The following HHIPL1 variants were observed in gnomAD, a reference collection of about 807,000 sequenced individuals.
HHIPL1 encodes HHIP-like protein 1.
A neutral mutation model predicts 61.8 loss-of-function variants in HHIPL1; 43 were observed. The observed-to-expected ratio is 0.70, with a 90% CI of 0.55 to 0.90. HHIPL1 has a LOEUF of 0.90. Ranked by LOEUF, HHIPL1 falls within the 40% of genes least tolerant of loss-of-function variation. HHIPL1 has a pLI of 0.00. For synonymous variants in HHIPL1, 482 were observed against 515.8 expected (o/e 0.93, Z 0.89); for missense variants, 1,056 against 1,157.7 (o/e 0.91, Z 1.28).
rs1412612596 is a variant in HHIPL1 at position 99,680,295 on chromosome 14, T to G, written c.*4669T>G. 1.3e-5 allele frequency: 2 copies of G among 151,644 alleles called. No individual in the cohort carries two copies. The highest frequency in any genetic ancestry group is 2.4e-5 in the African/African-American group (1 of 41,206). 9.4% of individuals were successfully genotyped at this position (151,644 alleles called of 1,614,324 possible). On this transcript the variant is annotated 3_prime_UTR_variant, in exon 9 of 9. Transcript: ENST00000330710. ...CTGGGAAACCACTCCTCGTATGGTG[T>G]CATCTACACCAGTGGGTTTCAAGCT... is the stretch of plus-strand genomic sequence containing the variant.
At chr14:99,606,661 C>T in the HHIPL1 span, among the ~76,000 whole-genome samples, 5 of 152,216 alleles carry the variant, frequency 3.3e-5, no homozygotes, top group South Asian at 2.1e-4. Flanking sequence ...GGTTTGTTTG[C>T]GTCATCTACA....
chr14:99,662,786 CATGGATGGATGGATGG>C (rs370684067), intron 5 of HHIPL1, 74 bp from the exon 6 acceptor site: 23 of 1,213,132 alleles, frequency 1.9e-5, no homozygotes, highest in Non-Finnish European at 2.5e-5. Context: ...GGAATGGATA[CATGGATGGATGGATGG>C]ATGGATGGAT....
intron 7 of HHIPL1, among the ~76,000 whole-genome samples, chr14:99,671,171 G>A (rs1265096970): frequency 3.3e-5 from 5 of 152,194 alleles, no homozygotes; most frequent in Non-Finnish European, 7.3e-5. Context: ...TCCCATTATA[G>A]TACATTTGGA....
chr14:99,632,836 C>T, the HHIPL1 span, among the ~76,000 whole-genome samples: 1 of 152,076 alleles, frequency 6.6e-6, no homozygotes, highest in Admixed American at 6.6e-5. Flanking sequence ...CTCTTGCCAG[C>T]CTCAGGCTAT....
intron 6 of HHIPL1, among the ~76,000 whole-genome samples, chr14:99,664,505 C>A (rs2056209800): frequency 6.6e-6 from 1 of 151,450 alleles, no homozygotes; most frequent in Non-Finnish European, 1.5e-5. Flanking sequence ...GTGTGGAAAA[C>A]CAGGAGGAGG....
At chr14:99,665,939 G>A (rs1395663206) in intron 6 of HHIPL1, among the ~76,000 whole-genome samples, 3 of 152,026 alleles carry the variant, frequency 2.0e-5, no homozygotes, top group African/African-American at 7.2e-5. Context: ...GCACCACCAT[G>A]CCTGGCTAAT....
intron 3 of HHIPL1, 112 bp downstream of exon 3, chr14:99,657,255 A>T: frequency 7.9e-7 from 1 of 1,272,208 alleles, no homozygotes; most frequent in Non-Finnish European, 1.1e-6. Context: ...GCAGGAGAAA[A>T]GGTTCTGGGT....
the HHIPL1 span, among the ~76,000 whole-genome samples, chr14:99,607,794 G>T: frequency 6.6e-6 from 1 of 151,970 alleles, no homozygotes; most frequent in African/African-American, 2.4e-5. Flanking sequence ...TCATTTTGAA[G>T]GTGAGGAAAA....
At position 99,672,331 on chromosome 14, in the gene HHIPL1, G is replaced by A. The variant is rs1172575742; in HGVS notation, c.1745G>A (p.Gly582Asp). 1.9e-6 allele frequency: 3 copies of A among 1,551,172 alleles called. No individual in the cohort carries two copies. The highest frequency in any genetic ancestry group is 2.6e-6 in the Non-Finnish European group (3 of 1,146,914). The change falls in exon 8 of 9, where the codon GGC (glycine) becomes GAC (aspartate). Residue 582 changes from glycine to aspartate, a missense_variant. Physicochemically the swap from Gly to Asp is moderately conservative, Grantham distance 94. Coordinates refer to ENST00000330710, the MANE Select transcript of HHIPL1 (RefSeq NM_001127258.3). ...IIDASRRAPP[G>D]KCQIQPAQVK... ...GTCGTTGGCAGGCGGGCACCACCTG[G>A]CAAATGTCAGATCCAGCCTGCTCAG...
chr14:99,609,771 G>A, the HHIPL1 span, among the ~76,000 whole-genome samples: 7 of 152,320 alleles, frequency 4.6e-5, no homozygotes, highest in South Asian at 6.2e-4. Flanking sequence ...TGCACAGGAC[G>A]GCTGCCTAGA....
At position 99,659,462 on chromosome 14, in the gene HHIPL1, G is replaced by C; in HGVS notation, c.1081G>C (p.Val361Leu). ...ALLGKVLRID[V>L]DRKERGLPYG... ...GCTGGGCAAGGTGCTGCGCATCGAC[G>C]TGGACCGTAAGGAGCGCGGCCTGCC... The change falls in exon 4 of 9, where the codon GTG becomes CTG. Residue 361 changes from valine (V) to leucine (L), a missense_variant. Transcript: ENST00000330710. The C allele has an allele frequency of 6.6e-7, 1 of 1,522,886 alleles. No homozygotes were observed. The highest frequency in any genetic ancestry group is 8.8e-7 in the Non-Finnish European group (1 of 1,140,400). 94.3% of individuals were successfully genotyped at this position (1,522,886 alleles called of 1,614,324 possible).
At chr14:99,607,942 T>G in the HHIPL1 span, among the ~76,000 whole-genome samples, 1 of 152,182 alleles carries the variant, frequency 6.6e-6, no homozygotes, top group Non-Finnish European at 1.5e-5. Context: ...CACATTGCAA[T>G]GCATTGTGGT....
chr14:99,643,127 G>A (rs12587879), upstream of HHIPL1, among the ~76,000 whole-genome samples: 24,359 of 151,860 alleles, frequency 0.16, 2,321 homozygotes, highest in East Asian at 0.26. Flanking sequence ...TACAGCCTCC[G>A]CCTCCTGGGT....
chr14:99,652,947 C>T, intron 2 of HHIPL1, 77 bp downstream of exon 2: 1 of 1,381,254 alleles, frequency 7.2e-7, no homozygotes. Context: ...CAGTTGGTAT[C>T]CTGTTCTCAC....
intron 6 of HHIPL1, among the ~76,000 whole-genome samples, chr14:99,665,800 G>C (rs1222750327): frequency 6.6e-6 from 1 of 152,000 alleles, no homozygotes; most frequent in Non-Finnish European, 1.5e-5. Flanking sequence ...TGTTTGTTTT[G>C]AGACAGGGTC....
At chr14:99,617,162 T>C in the HHIPL1 span, among the ~76,000 whole-genome samples, 5 of 152,100 alleles carry the variant, frequency 3.3e-5, no homozygotes, top group Admixed American at 2.0e-4. Flanking sequence ...AGACACATAA[T>C]ACCTTGCAAG....
rs1055281937 is a variant in HHIPL1, at chr14:99,672,173, A to C, written c.1731-144A>C. 6 of 642,332 alleles carry C rather than the reference A, an allele frequency of 9.3e-6. No individual in the cohort carries two copies. In the African/African-American group the frequency reaches 1.1e-4, roughly 12 times the overall value. The allele number at this position is 642,332 out of a possible 1,614,324, so 39.8% of individuals were successfully genotyped here. ...TCCTGGGGGCATGGAGTGGGCAGGG[A>C]AGCTGCAGGCCACACAGTAGGTGCA... On this transcript the variant is annotated intron_variant, in intron 7 of 8. Transcript: ENST00000330710.
At chr14:99,614,844 C>G in the HHIPL1 span, among the ~76,000 whole-genome samples, 3 of 151,896 alleles carry the variant, frequency 2.0e-5, no homozygotes, top group African/African-American at 7.3e-5. Flanking sequence ...TTTTTTGTCC[C>G]GTATCTAATG....
In HHIPL1 at chr14:99,675,060, C is replaced by A; in HGVS notation, c.1814-31C>A. On this transcript the variant is annotated intron_variant, in intron 8 of 8. Coordinates refer to ENST00000330710, the MANE Select transcript of HHIPL1 (RefSeq NM_001127258.3). This position sits in a 1 kb window ranked among gnomAD's most constrained non-coding sequence, Gnocchi z 5.4. ...CAGGGCTGGACAGGGGCGCCTGGGT[C>A]CCTCTGACGGCATACTCTTCCTCTG... The A allele has an allele frequency of 3.6e-6, 4 of 1,122,418 alleles. No homozygotes were observed. In the South Asian group the frequency reaches 1.0e-4, roughly 28 times the overall value. 69.5% of individuals were successfully genotyped at this position (1,122,418 alleles called of 1,614,324 possible). A position where few individuals can be genotyped will look rare whatever the true frequency, so the allele number is the denominator to read the frequency against.
Sources: allele counts gnomAD v4.1 joint callset (sites outside exome capture counted in the v4.1 genomes callset), GRCh38; gene constraint gnomAD v4.1.1; non-coding constraint Gnocchi (gnomAD v3.1); transcripts MANE v1.5; gene names NCBI Gene and HGNC (gene_info 2026-07-23, HGNC 2026-07-21).